The following HSP90B1 variants were observed in gnomAD, a reference collection of about 807,000 sequenced individuals.
HSP90B1 encodes the protein endoplasmin.
In HSP90B1, 27 loss-of-function variants were observed where a neutral mutation model predicts 100.4. The ratio of observed to expected loss-of-function variants is 0.27; its 90% CI spans 0.20 to 0.37. The LOEUF is 0.37. HSP90B1 is among the 10% of genes least tolerant of loss of function. The pLI is 1.00. For missense variants in HSP90B1, 678 were observed against 960.5 expected (o/e 0.71, Z 3.89); for synonymous variants, 304 against 330.8 (o/e 0.92, Z 0.88).
chr12:103,947,400 G>A lies in HSP90B1; in HGVS notation c.2352G>A (p.Val784=), dbSNP rs1330841524. Residue 784 remains valine (V), a synonymous_variant, in exon 17 of 18, where the codon GTG becomes GTA. Transcript: ENST00000299767. ...AAGACGAAGATGAAGAAATGGATGTGGGAACAGATGAAGAAGAAGAAACAG... is the reference window on the plus strand; with the variant it reads ...AAGACGAAGATGAAGAAATGGATGTAGGAACAGATGAAGAAGAAGAAACAG... The part of the protein sequence containing the change: ...TEQDEDEEMD[V]GTDEEEETAK... The A allele has an allele frequency of 1.9e-6, 3 of 1,611,268 alleles. No individual in the cohort carries two copies. The highest frequency in any genetic ancestry group is 1.7e-5 in the Admixed American group (1 of 59,760).
In HSP90B1 at chr12:103,937,774, A is replaced by G. The variant is rs779943844; in HGVS notation, c.823A>G (p.Ile275Val). The change falls in exon 6 of 18, where the codon ATA becomes GTA. Residue 275 changes from isoleucine to valine, a missense_variant. By Grantham distance (29) the Ile-to-Val change is conservative. Around this residue, in one of 8 missense-constraint regions of HSP90B1, gnomAD observed 238 missense variants for 346.7 expected, o/e 0.69. Transcript: ENST00000299767. ...KNLVKKYSQF[I>V]NFPIYVWSSK... ...TCTCGTCAAAAAATATTCACAGTTC[A>G]TAAACTTTCCTATTTATGTATGGAG... is the stretch of plus-strand genomic sequence containing the variant. 4 of 1,570,150 alleles carry G rather than the reference A, an allele frequency of 2.5e-6. No homozygotes were observed. Among genetic ancestry groups the G allele is most frequent in the African/African-American group, 1.4e-5 (1 of 74,018 alleles).
At chr12:103,946,513 T>C in intron 14 of HSP90B1, 105 bp from the exon 15 acceptor site, 1 of 799,156 alleles carries the variant, frequency 1.3e-6, no homozygotes, top group Non-Finnish European at 2.0e-6. Flanking sequence ...TTTGATTTTT[T>C]TTTTTTACCA....
Position 103,937,779 on chromosome 12 carries a change from C to T in HSP90B1, c.828C>T (p.Asn276=). 5 of 1,558,390 alleles carry T rather than the reference C, an allele frequency of 3.2e-6. No homozygotes were observed. The highest frequency in any genetic ancestry group is 4.4e-6 in the Non-Finnish European group (5 of 1,130,862). ...TCAAAAAATATTCACAGTTCATAAA[C>T]TTTCCTATTTATGTATGGAGCAGCA... ...NLVKKYSQFI[N]FPIYVWSSKT... The change falls in exon 6 of 18, where the codon AAC becomes AAT. Residue 276 remains asparagine (N), a synonymous_variant. Transcript: ENST00000299767.
chr12:103,934,992 T>C (rs1368922890), intron 5 of HSP90B1, among the ~76,000 whole-genome samples: 1 of 152,138 alleles, frequency 6.6e-6, no homozygotes, highest in Non-Finnish European at 1.5e-5. Flanking sequence ...TGAGCTACCG[T>C]GCCCAGCCAG....
In HSP90B1 at chr12:103,941,428, G is replaced by C; in HGVS notation, c.1111G>C (p.Ala371Pro). The change falls in exon 9 of 18, where the codon GCT (alanine) becomes CCT (proline). Residue 371 changes from alanine to proline, a missense_variant. By Grantham distance (27) the Ala-to-Pro change is conservative (BLOSUM62 -1). This residue lies in a region of HSP90B1 where 238 missense variants were observed against 346.7 expected (regional missense o/e 0.69). Transcript: ENST00000299767. ...SFSKESDDPM[A>P]YIHFTAEGEV... is the part of the protein sequence containing the mutation. ...TCCACAGGAAAGTGATGACCCCATG[G>C]CTTATATTCACTTTACTGCTGAAGG... 1 of 1,612,396 alleles carries C rather than the reference G, an allele frequency of 6.2e-7. No individual in the cohort carries two copies. The highest frequency in any genetic ancestry group is 8.5e-7 in the Non-Finnish European group (1 of 1,179,880).
chr12:103,947,428 A>C lies in HSP90B1; in HGVS notation c.2380A>C (p.Lys794Gln), dbSNP rs753493088. Reference protein sequence around the residue: ...VGTDEEEETAKESTAEKDEL With the variant: ...VGTDEEEETAQESTAEKDEL ...AACAGATGAAGAAGAAGAAACAGCA[A>C]AGGTATGGCAAATCAAGAATGTGAC... Residue 794 changes from lysine to glutamine, a missense_variant and splice_region_variant, in exon 17 of 18, where the codon AAG becomes CAG. This residue lies in a region of HSP90B1 where 65 missense variants were observed against 65.1 expected (regional missense o/e 1.00). Transcript: ENST00000299767. 5.2e-5 allele frequency: 84 copies of C among 1,614,008 alleles called. 1 individual carries two copies. In the Middle Eastern group the frequency reaches 9.9e-4, roughly 19 times the overall value.
chr12:103,940,650 ATAAT>A (rs1870050040), intron 8 of HSP90B1, among the ~76,000 whole-genome samples: 5 of 151,968 alleles, frequency 3.3e-5, no homozygotes, highest in Admixed American at 6.5e-5. Context: ...TATTAGAAAT[ATAAT>A]TAATGTGAGC....
At position 103,946,562 on chromosome 12, in the gene HSP90B1, G is replaced by GT. The variant is rs560667583; in HGVS notation, c.2028-55dup. The GT allele has an allele frequency of 1.4e-3, 1,713 of 1,265,096 alleles. 3 individuals carry two copies. Among genetic ancestry groups the GT allele is most frequent in the Non-Finnish European group, 1.7e-3 (1,447 of 866,900 alleles). 78.4% of individuals were successfully genotyped at this position (1,265,096 alleles called of 1,614,324 possible). Reference sequence around the variant, plus strand: ...GTAATTATGAAAGAATAAGGGAAACGTATGAACCCTAAAATTGGATATGTT... The same window carrying GT: ...GTAATTATGAAAGAATAAGGGAAACGTTATGAACCCTAAAATTGGATATGTT... On this transcript the variant is annotated intron_variant, in intron 14 of 17. Coordinates refer to ENST00000299767, the MANE Select transcript of HSP90B1 (RefSeq NM_003299.3).
chr12:103,936,419 A>T (rs1869917253), intron 5 of HSP90B1, among the ~76,000 whole-genome samples: 1 of 152,076 alleles, frequency 6.6e-6, no homozygotes, highest in Admixed American at 6.6e-5. Flanking sequence ...AGGTGGGAGG[A>T]TCACTTGAAC....
At chr12:103,931,039 G>A (rs1460557283) in intron 1 of HSP90B1, among the ~76,000 whole-genome samples, 1 of 152,212 alleles carries the variant, frequency 6.6e-6, no homozygotes, top group East Asian at 1.9e-4. Flanking sequence ...CAGCGTGTTT[G>A]ATTCAGTTTT....
At position 103,941,642 on chromosome 12, in the gene HSP90B1, G is replaced by A. The variant is rs1443504979; in HGVS notation, c.1244G>A (p.Arg415His). The change falls in exon 10 of 18, where the codon CGT becomes CAT. Residue 415 changes from arginine (R) to histidine (H), a missense_variant. Physicochemically the swap from Arg to His is conservative, Grantham distance 29 (BLOSUM62 0). Coordinates refer to ENST00000299767, the MANE Select transcript of HSP90B1 (RefSeq NM_003299.3). Reference sequence around the variant, plus strand: ...TGGTCTCTTTAGCTCTATGTGCGCCGTGTATTCATCACAGACGACTTCCAT... The same window carrying A: ...TGGTCTCTTTAGCTCTATGTGCGCCATGTATTCATCACAGACGACTTCCAT... ...KSDYIKLYVR[R>H]VFITDDFHDM... 1.7e-5 allele frequency: 28 copies of A among 1,614,056 alleles called. No homozygotes were observed. The highest frequency in any genetic ancestry group is 4.5e-5 in the East Asian group (2 of 44,890).
chr12:103,941,964 T>C, intron 11 of HSP90B1, 67 bp downstream of exon 11: 6 of 1,163,534 alleles, frequency 5.2e-6, no homozygotes, highest in Non-Finnish European at 7.2e-6. Context: ...CAGGCTCCAT[T>C]TGTGGAGTAA....
intron 6 of HSP90B1, among the ~76,000 whole-genome samples, 158 bp downstream of exon 6, chr12:103,937,964 C>T (rs540235802): frequency 3.4e-4 from 52 of 152,116 alleles, no homozygotes; most frequent in Admixed American, 5.2e-4. Context: ...GTCAGGAGTT[C>T]GAGACCAGCC....
At chr12:103,946,184 A>G (rs1870222268) in intron 14 of HSP90B1, among the ~76,000 whole-genome samples, 1 of 152,134 alleles carries the variant, frequency 6.6e-6, no homozygotes, top group African/African-American at 2.4e-5. Context: ...TGCCCTTTCT[A>G]ATATTTTCAA....
At chr12:103,944,558 CTTT>C (rs563203951) in intron 14 of HSP90B1, among the ~76,000 whole-genome samples, 1 of 146,686 alleles carries the variant, frequency 6.8e-6, no homozygotes, top group Non-Finnish European at 1.5e-5. Context: ...CTTAAGGATT[CTTT>C]TTTTTTTTCC....
chr12:103,933,408 C>CTATTA (rs1477011035), intron 4 of HSP90B1, among the ~76,000 whole-genome samples: 4 of 152,242 alleles, frequency 2.6e-5, no homozygotes, highest in Admixed American at 1.3e-4. Flanking sequence ...GGGTCTCATA[C>CTATTA]TATTATAATT....
In HSP90B1 at chr12:103,946,600, AT is replaced by A; in HGVS notation, c.2028-13del. The A allele has an allele frequency of 6.3e-7, 1 of 1,586,544 alleles. No homozygotes were observed. Among genetic ancestry groups the A allele is most frequent in the Non-Finnish European group, 8.7e-7 (1 of 1,155,622 alleles). On this transcript the variant is annotated splice_polypyrimidine_tract_variant and intron_variant, in intron 14 of 17. Coordinates refer to ENST00000299767, the MANE Select transcript of HSP90B1 (RefSeq NM_003299.3). ...AATTGGATATGTTTTGTTAATGTTC[AT>A]TTTTATCTCTTAACAGTTACTATGC...
Position 103,947,613 on chromosome 12 carries a change from T to G in HSP90B1, c.2383-20T>G, listed in dbSNP as rs776183774. ...CTGCTAACTTTTAATACCTTCTGGGTTTTTTTTATTTATTTACAGGAATCT... is the reference window on the plus strand; with the variant it reads ...CTGCTAACTTTTAATACCTTCTGGGGTTTTTTTATTTATTTACAGGAATCT... On this transcript the variant is annotated intron_variant, in intron 17 of 17. Coordinates refer to ENST00000299767, the MANE Select transcript of HSP90B1 (RefSeq NM_003299.3). 117 of 1,562,760 alleles carry G rather than the reference T, an allele frequency of 7.5e-5. No individual in the cohort carries two copies. The highest frequency in any genetic ancestry group is 1.0e-4 in the Non-Finnish European group (116 of 1,146,614).
At chr12:103,942,424 A>G in intron 11 of HSP90B1, 103 bp from the exon 12 acceptor site, 1 of 1,031,302 alleles carries the variant, frequency 9.7e-7, no homozygotes, top group Non-Finnish European at 1.4e-6. Flanking sequence ...AAATGGCAAT[A>G]ACGATATCGT....
Sources: allele counts gnomAD v4.1 joint callset (sites outside exome capture counted in the v4.1 genomes callset), GRCh38; gene constraint gnomAD v4.1.1; regional missense constraint gnomAD v4.1.1; transcripts MANE v1.5; gene names NCBI Gene and HGNC (gene_info 2026-07-23, HGNC 2026-07-21).